NEO1: variants seen among roughly 807,000 people sequenced by gnomAD.
NEO1 encodes the protein neogenin 1.
A neutral mutation model predicts 159.7 loss-of-function variants in NEO1; 63 were observed. The ratio of observed to expected loss-of-function variants is 0.39; its 90% CI spans 0.32 to 0.49. NEO1 has a LOEUF of 0.49. NEO1 is among the 20% of genes least tolerant of loss of function. The pLI, the probability that NEO1 is intolerant of heterozygous loss-of-function variation, is 0.85. For missense variants in NEO1, 1,615 were observed against 1,831.0 expected, an observed-to-expected ratio of 0.88 and a Z score of 2.15; for synonymous variants, 633 against 662.0, an observed-to-expected ratio of 0.96 and a Z score of 0.67.
At position 73,253,413 on chromosome 15, in the gene NEO1, T is replaced by G. The variant is rs1416237952; in HGVS notation, c.1908T>G (p.Ala636=). Residue 636 remains alanine (A), a synonymous_variant, in exon 12 of 29, where the codon GCT becomes GCG. Coordinates refer to ENST00000261908, the MANE Select transcript of NEO1 (RefSeq NM_002499.4). ...TTGTTTCTCTAGTTCCCAGTGCTGC[T>G]CCTCAGAATCTGTCCTTGGAAGTGA... ...VRTLSDVPSA[A]PQNLSLEVRN... 6.3e-7 allele frequency: 1 copy of G among 1,586,580 alleles called. No individual in the cohort carries two copies. Among genetic ancestry groups the G allele is most frequent in the Non-Finnish European group, 8.6e-7 (1 of 1,167,072 alleles).
chr15:73,077,048 A>G (rs116379151), intron 1 of NEO1, among the ~76,000 whole-genome samples: 1 of 152,006 alleles, frequency 6.6e-6, no homozygotes, highest in East Asian at 1.9e-4. Flanking sequence ...TAAATTAATT[A>G]ATTTATTTAT....
chr15:73,176,391 T>C lies in NEO1; in HGVS notation c.1016-12T>C. On this transcript the variant is annotated splice_polypyrimidine_tract_variant and intron_variant, in intron 5 of 28. Coordinates refer to ENST00000261908, the MANE Select transcript of NEO1 (RefSeq NM_002499.4). ...TTTTCATTAATGTCTTAATTTCCTT[T>C]TTATTTTAAAGCTCAACCTGAATTC... The C allele has an allele frequency of 6.6e-7, 1 of 1,515,968 alleles. No homozygotes were observed. 93.9% of individuals were successfully genotyped at this position (1,515,968 alleles called of 1,614,324 possible).
chr15:73,136,587 G>T (rs1317598708), intron 5 of NEO1, among the ~76,000 whole-genome samples: 3 of 152,116 alleles, frequency 2.0e-5, no homozygotes, highest in Non-Finnish European at 2.9e-5. Context: ...ATATAACTTG[G>T]TTTGATGATT....
intron 27 of NEO1, 122 bp from the exon 28 acceptor site, chr15:73,301,199 G>A: frequency 2.4e-6 from 3 of 1,270,326 alleles, no homozygotes; most frequent in Non-Finnish European, 3.3e-6. Context: ...TTTCAGAGCA[G>A]TATCCCTGCA....
At chr15:73,157,707 C>A (rs1334721214) in intron 5 of NEO1, among the ~76,000 whole-genome samples, 2 of 152,174 alleles carry the variant, frequency 1.3e-5, no homozygotes, top group Non-Finnish European at 2.9e-5. Flanking sequence ...GTGTGATTGT[C>A]TACACACAAT....
chr15:73,154,336 C>A (rs1249260522), intron 5 of NEO1, among the ~76,000 whole-genome samples: 1 of 152,116 alleles, frequency 6.6e-6, no homozygotes, highest in African/African-American at 2.4e-5. Flanking sequence ...AAGCATTTAT[C>A]CTTTGTGTTA....
At chr15:73,108,657 G>GA (rs1341916027) in intron 1 of NEO1, among the ~76,000 whole-genome samples, 1 of 152,158 alleles carries the variant, frequency 6.6e-6, no homozygotes, top group East Asian at 1.9e-4. Flanking sequence ...TAGAAAAGAG[G>GA]AAAAAGCAAA....
chr15:73,124,927 C>T (rs533083252), intron 3 of NEO1, among the ~76,000 whole-genome samples: 2 of 152,184 alleles, frequency 1.3e-5, no homozygotes, highest in East Asian at 3.9e-4. Flanking sequence ...TTAAATATAC[C>T]TAAGTAATTC....
intron 1 of NEO1, among the ~76,000 whole-genome samples, chr15:73,108,123 A>G (rs2070782344): frequency 6.6e-6 from 1 of 152,212 alleles, no homozygotes; most frequent in South Asian, 2.1e-4. Flanking sequence ...ATGAAAAATG[A>G]CCAATTCAGA....
chr15:73,192,575 A>C (rs1236553785), intron 7 of NEO1, among the ~76,000 whole-genome samples: 1 of 151,978 alleles, frequency 6.6e-6, no homozygotes, highest in African/African-American at 2.4e-5. Context: ...CATATGTTAG[A>C]CTAGCATAAA....
At chr15:73,181,258 A>G (rs2035591074) in intron 7 of NEO1, among the ~76,000 whole-genome samples, 1 of 152,210 alleles carries the variant, frequency 6.6e-6, no homozygotes, top group Non-Finnish European at 1.5e-5. Context: ...AATAAAAACA[A>G]TGCCATGTGT....
At chr15:73,165,389 G>A (rs914530483) in intron 5 of NEO1, among the ~76,000 whole-genome samples, 1 of 151,914 alleles carries the variant, frequency 6.6e-6, no homozygotes, top group Non-Finnish European at 1.5e-5. Context: ...TGATAAAAAG[G>A]AAAGTAGAGA....
intron 5 of NEO1, among the ~76,000 whole-genome samples, chr15:73,163,507 C>T (rs1209350672): frequency 6.6e-6 from 1 of 152,078 alleles, no homozygotes; most frequent in Non-Finnish European, 1.5e-5. Context: ...GATATTATAT[C>T]ATCTAGTTTG....
intron 7 of NEO1, among the ~76,000 whole-genome samples, chr15:73,189,098 C>T (rs1171644424): frequency 6.6e-6 from 1 of 152,146 alleles, no homozygotes; most frequent in Non-Finnish European, 1.5e-5. Context: ...GACCACCACC[C>T]TACCCATGCA....
chr15:73,100,220 C>A (rs1043176484), intron 1 of NEO1, among the ~76,000 whole-genome samples: 1 of 152,188 alleles, frequency 6.6e-6, no homozygotes, highest in African/African-American at 2.4e-5. Context: ...CCCAGTCTCA[C>A]ATAGTCTCCA....
intron 13 of NEO1, chr15:73,255,718 T>C (rs1268491781): frequency 6.6e-6 from 1 of 152,302 alleles, no homozygotes; most frequent in East Asian, 1.9e-4. Flanking sequence ...CAGTTATACA[T>C]GCCTCAGCTT....
At chr15:73,098,344 T>C (rs2070201591) in intron 1 of NEO1, among the ~76,000 whole-genome samples, 1 of 152,342 alleles carries the variant, frequency 6.6e-6, no homozygotes, top group African/African-American at 2.4e-5. Flanking sequence ...TTTTTAATTA[T>C]GTAAAATGTT....
intron 5 of NEO1, among the ~76,000 whole-genome samples, chr15:73,144,415 T>G (rs1221383074): frequency 6.6e-6 from 1 of 152,232 alleles, no homozygotes; most frequent in African/African-American, 2.4e-5. Flanking sequence ...CTGTCATGAT[T>G]CAAAGCTAAG....
At chr15:73,166,586 A>G (rs995201408) in intron 5 of NEO1, among the ~76,000 whole-genome samples, 1 of 152,186 alleles carries the variant, frequency 6.6e-6, no homozygotes, top group Non-Finnish European at 1.5e-5. Flanking sequence ...CAATACATGG[A>G]GGTTATACAT....
Sources: allele counts gnomAD v4.1 joint callset (sites outside exome capture counted in the v4.1 genomes callset), GRCh38; gene constraint gnomAD v4.1.1; transcripts MANE v1.5; gene names NCBI Gene and HGNC (gene_info 2026-07-23, HGNC 2026-07-21).